Variants in RBP7 observed in about 807,000 individuals in gnomAD.
RBP7 encodes retinol binding protein 7, also known as retinoid-binding protein 7.
Under a neutral mutation model 16.7 loss-of-function variants are expected in RBP7, and 13 were observed. The ratio of observed to expected loss-of-function variants is 0.78; its 90% CI spans 0.51 to 1.24. The LOEUF (loss-of-function observed/expected upper bound fraction) is 1.24. Among genes scored for constraint, RBP7 ranks in the 50% most tolerant of loss-of-function variants. RBP7 has a pLI of 0.00. For synonymous variants in RBP7, 54 were observed against 56.2 expected (o/e 0.96, Z 0.17); for missense variants, 145 against 159.5 (o/e 0.91, Z 0.49).
chr1:10,006,955 C>CTTT, intron 1 of RBP7: 1 of 432,302 alleles, frequency 2.3e-6, no homozygotes, highest in Non-Finnish European at 4.6e-6. Context: ...CTTTTTCTTT[C>CTTT]TTTTTTTTTG....
In RBP7 at chr1:10,005,006, TA is replaced by T. The variant is rs368027176; in HGVS notation, c.74-2562del. Among the ~76,000 whole-genome samples the T allele has an allele frequency of 2.7e-3, 407 of 152,036 alleles. 6 individuals are homozygous for T. The highest frequency in any genetic ancestry group is 9.5e-3 in the African/African-American group (395 of 41,474). On this transcript the variant is annotated intron_variant, in intron 1 of 3. Transcript: ENST00000294435. The stretch of plus-strand genomic sequence containing the variant: ...AGACCCTGTCTCAAAAAAATAATAA[TA>T]ATAGGAAGTGATTTTAAGGTTTTGG...
chr1:10,012,895 C>T (rs926055157), intron 3 of RBP7, among the ~76,000 whole-genome samples: 4 of 143,762 alleles, frequency 2.8e-5, no homozygotes, highest in East Asian at 2.2e-4. Context: ...GAGCCAAGAT[C>T]GCGCCACGGC....
chr1:10,003,310 C>A (rs1460026720), intron 1 of RBP7, among the ~76,000 whole-genome samples: 1 of 152,130 alleles, frequency 6.6e-6, no homozygotes, highest in Non-Finnish European at 1.5e-5. Context: ...CCTGTAGTCT[C>A]AGCTACTCAG....
At position 9,999,376 on chromosome 1, in the gene RBP7, G is replaced by A. The variant is rs146486581; in HGVS notation, c.73+2045G>A. On this transcript the variant is annotated intron_variant, in intron 1 of 3. Transcript: ENST00000294435. Reference sequence around the variant, plus strand: ...AGCCTGGCCAACATGGTGAAACCCCGTCTCAACTAAAAATACCAAAAAGAA... The same window carrying A: ...AGCCTGGCCAACATGGTGAAACCCCATCTCAACTAAAAATACCAAAAAGAA... Among the ~76,000 whole-genome samples, 602 of 151,820 alleles carry A rather than the reference G, an allele frequency of 4.0e-3. 2 individuals carry two copies. The highest frequency in any genetic ancestry group is 6.8e-3 in the Middle Eastern group (2 of 294).
intron 3 of RBP7, among the ~76,000 whole-genome samples, chr1:10,012,563 G>A (rs1000766994): frequency 4.6e-5 from 7 of 151,806 alleles, no homozygotes; most frequent in East Asian, 1.9e-4. Flanking sequence ...AGGCCAAAGC[G>A]GGAAGATTGC....
chr1:10,011,587 G>T (rs1310040800), intron 3 of RBP7, among the ~76,000 whole-genome samples: 1 of 152,160 alleles, frequency 6.6e-6, no homozygotes, highest in African/African-American at 2.4e-5. Flanking sequence ...AAGAATGTGT[G>T]CTCTCAGCTC....
At chr1:9,999,584 T>C (rs1642229417) in intron 1 of RBP7, among the ~76,000 whole-genome samples, 1 of 152,062 alleles carries the variant, frequency 6.6e-6, no homozygotes, top group Admixed American at 6.6e-5. Flanking sequence ...TACCCACTCT[T>C]GGATATGTCT....
In RBP7 at chr1:10,013,917, G is replaced by A. The variant is rs112237573; in HGVS notation, c.355-1865G>A. ...CTTAGGCCCAGGAAGTTGAGGCTAAGGTGAGCCATGACTGCACCACTGCAT... is the reference window on the plus strand; with the variant it reads ...CTTAGGCCCAGGAAGTTGAGGCTAAAGTGAGCCATGACTGCACCACTGCAT... On this transcript the variant is annotated intron_variant, in intron 3 of 3. Transcript: ENST00000294435. Among the ~76,000 whole-genome samples, 1,037 of 152,216 alleles carry A rather than the reference G, an allele frequency of 6.8e-3. 16 individuals are homozygous for A. The highest frequency in any genetic ancestry group is 0.024 in the African/African-American group (983 of 41,554).
intron 3 of RBP7, among the ~76,000 whole-genome samples, chr1:10,011,881 A>AC (rs1360613869): frequency 6.6e-6 from 1 of 151,768 alleles, no homozygotes; most frequent in Non-Finnish European, 1.5e-5. Flanking sequence ...ACATGATGAA[A>AC]CCCCATCTCT....
At chr1:10,006,545 A>G (rs1458433223) in intron 1 of RBP7, among the ~76,000 whole-genome samples, 1 of 151,552 alleles carries the variant, frequency 6.6e-6, no homozygotes, top group Non-Finnish European at 1.5e-5. Flanking sequence ...ATAGTAGTAT[A>G]TAGCTGGGTG....
In RBP7 at chr1:9,997,599, C is replaced by A. The variant is rs11121512; in HGVS notation, c.73+268C>A. Among the ~76,000 whole-genome samples, 42,840 of 148,536 alleles carry A rather than the reference C, an allele frequency of 0.29. 8,992 individuals are homozygous for A. Among genetic ancestry groups the A allele is most frequent in the African/African-American group, 0.58 (23,551 of 40,536 alleles). On this transcript the variant is annotated intron_variant, in intron 1 of 3. Transcript: ENST00000294435. This position sits in a 1 kb window ranked among gnomAD's most constrained non-coding sequence, Gnocchi z 5.9. ...CGGCCGTCTCTCCACGCCCTCTGTT[C>A]CCCCGGCCGTCGGTCCCCCACCCGT... is the stretch of plus-strand genomic sequence containing the variant.
rs955086103 is a variant in RBP7 at position 9,997,445 on chromosome 1, T to A, written c.73+114T>A. On this transcript the variant is annotated intron_variant, in intron 1 of 3. Coordinates refer to ENST00000294435, the MANE Select transcript of RBP7 (RefSeq NM_052960.3). This position sits in a 1 kb window ranked among gnomAD's most constrained non-coding sequence, Gnocchi z 5.9. ...TCCTCTGTCCGTGCCTCCGCCCTGC[T>A]GCGCCCACCGTCGCCCAGTCGCCCC... is the stretch of plus-strand genomic sequence containing the variant. 4.0e-6 allele frequency: 4 copies of A among 1,002,860 alleles called. No individual in the cohort carries two copies. The allele number at this position is 1,002,860 out of a possible 1,614,324, so 62.1% of individuals were successfully genotyped here.
intron 1 of RBP7, among the ~76,000 whole-genome samples, chr1:10,002,642 G>A (rs567420782): frequency 6.6e-6 from 1 of 152,020 alleles, no homozygotes; most frequent in Non-Finnish European, 1.5e-5. Context: ...CAGGACTGCA[G>A]GTGCACACCA....
rs112928878 is a variant in RBP7 at position 10,008,443 on chromosome 1, A to T, written c.354+169A>T. ...AACATGGTGAAACCCCATCTCTACT[A>T]TTTTTTTTTTTTTTTTGAGATGGAG... On this transcript the variant is annotated intron_variant, in intron 3 of 3. Transcript: ENST00000294435. Among the ~76,000 whole-genome samples the T allele has an allele frequency of 7.7e-3, 1,029 of 134,388 alleles. 14 individuals carry two copies. The highest frequency in any genetic ancestry group is 0.028 in the African/African-American group (994 of 35,748). The allele number at this position is 134,388 out of a possible 152,430, so 88.2% of individuals were successfully genotyped here.
intron 3 of RBP7, among the ~76,000 whole-genome samples, chr1:10,010,930 T>C (rs1408068208): frequency 1.3e-5 from 2 of 152,118 alleles, no homozygotes; most frequent in South Asian, 2.1e-4. Flanking sequence ...GGTTTTGCCA[T>C]GTTGGCCAGG....
intron 3 of RBP7, among the ~76,000 whole-genome samples, chr1:10,009,253 T>C (rs1414167078): frequency 1.3e-5 from 2 of 151,882 alleles, no homozygotes; most frequent in African/African-American, 4.8e-5. Flanking sequence ...CTACTAAAAA[T>C]ACAAAAATTA....
intron 1 of RBP7, among the ~76,000 whole-genome samples, chr1:9,998,128 A>G (rs1226513375): frequency 6.6e-6 from 1 of 152,182 alleles, no homozygotes; most frequent in East Asian, 1.9e-4. Context: ...AGCTGGGATT[A>G]CACGCGTGCG....
In RBP7 at chr1:9,997,399, C is replaced by G; in HGVS notation, c.73+68C>G. On this transcript the variant is annotated intron_variant, in intron 1 of 3. Transcript: ENST00000294435. This position sits in a 1 kb window ranked among gnomAD's most constrained non-coding sequence, Gnocchi z 5.9. ...GGTCTCGGGATCAGGCGAAGGCGGC[C>G]GGGCCGGGCCTGTAGGTACGTCCTC... 2.0e-6 allele frequency: 3 copies of G among 1,489,720 alleles called. No homozygotes were observed. Among genetic ancestry groups the G allele is most frequent in the Non-Finnish European group, 2.8e-6 (3 of 1,074,814 alleles). The allele number at this position is 1,489,720 out of a possible 1,614,324, so 92.3% of individuals were successfully genotyped here. A position where few individuals can be genotyped will look rare whatever the true frequency, so the allele number is the denominator to read the frequency against.
intron 1 of RBP7, among the ~76,000 whole-genome samples, chr1:9,998,194 A>G (rs1247140226): frequency 1.3e-5 from 2 of 151,898 alleles, no homozygotes; most frequent in Non-Finnish European, 2.9e-5. Flanking sequence ...GTTTCACTAT[A>G]TTGGTCAGGC....
Sources: gnomAD v4.1 joint callset for allele counts (sites outside exome capture counted in the v4.1 genomes callset) on GRCh38, gnomAD v4.1.1 for gene constraint, Gnocchi (gnomAD v3.1) non-coding constraint, MANE v1.5 for transcripts, NCBI Gene and HGNC (gene_info 2026-07-23, HGNC 2026-07-21) for gene names.